Variants in PARD3 observed in about 807,000 individuals in gnomAD.
The protein encoded by PARD3 is partitioning defective 3 homolog.
In PARD3, 75 loss-of-function variants were observed where a neutral mutation model predicts 155.4. That is an observed-to-expected ratio of 0.48 (90% CI 0.40 to 0.58). PARD3 has a LOEUF of 0.58. Among genes scored for constraint, PARD3 ranks in the 20% least tolerant of loss-of-function variants. The probability of loss-of-function intolerance (pLI) is 0.00; values close to 1 mark genes in which losing one functional copy is unlikely to be tolerated. For synonymous variants in PARD3, 576 were observed against 610.5 expected, an observed-to-expected ratio of 0.94 and a Z score of 0.83; for missense variants, 1,642 against 1,721.7, an observed-to-expected ratio of 0.95 and a Z score of 0.82.
At chr10:34,371,647 T>C (rs1050681396) in intron 12 of PARD3, among the ~76,000 whole-genome samples, 1 of 151,938 alleles carries the variant, frequency 6.6e-6, no homozygotes, top group Non-Finnish European at 1.5e-5. Context: ...TTTTCTTTAG[T>C]CAACAATGTA....
intron 22 of PARD3, among the ~76,000 whole-genome samples, chr10:34,220,968 C>T (rs555622789): frequency 2.0e-5 from 3 of 152,306 alleles, no homozygotes; most frequent in African/African-American, 7.2e-5. Context: ...GGGAGACGGA[C>T]TGGCCACTTC....
rs188185562 is a variant in PARD3, at chr10:34,744,965, G to A, written c.121-48546C>T. Among the ~76,000 whole-genome samples the A allele has an allele frequency of 1.2e-4, 19 of 152,232 alleles. No homozygotes were observed. The East Asian group carries it at 2.3e-3, about 19-fold the overall frequency. ...GGCAACTAGGACCCTCTGCATCCTCGACCACCCCTTGGACCCTGTGGTCTC... is the reference window on the plus strand; with the variant it reads ...GGCAACTAGGACCCTCTGCATCCTCAACCACCCCTTGGACCCTGTGGTCTC... On this transcript the variant is annotated intron_variant, in intron 1 of 24. Transcript: ENST00000374788.
At chr10:34,619,343 C>T (rs923516035) in intron 2 of PARD3, among the ~76,000 whole-genome samples, 3 of 152,106 alleles carry the variant, frequency 2.0e-5, no homozygotes, top group African/African-American at 7.2e-5. Flanking sequence ...AGCCATCATG[C>T]CCGGCCCACA....
At chr10:34,230,751 G>T (rs901379891) in intron 22 of PARD3, among the ~76,000 whole-genome samples, 1 of 152,152 alleles carries the variant, frequency 6.6e-6, no homozygotes, top group African/African-American at 2.4e-5. Flanking sequence ...GGCTGGGATT[G>T]GTGTGGTGGC....
At chr10:34,456,957 TAGA>T (rs1281154821) in intron 4 of PARD3, among the ~76,000 whole-genome samples, 1 of 152,186 alleles carries the variant, frequency 6.6e-6, no homozygotes, top group Non-Finnish European at 1.5e-5. Flanking sequence ...AATTCTAATA[TAGA>T]AGAATTTCTA....
intron 2 of PARD3, among the ~76,000 whole-genome samples, chr10:34,683,058 T>G (rs963051019): frequency 1.3e-5 from 2 of 152,150 alleles, no homozygotes; most frequent in Non-Finnish European, 2.9e-5. Context: ...AATCTTAAAC[T>G]TAACCTCATA....
At chr10:34,119,304 A>G (rs1946850122) in intron 24 of PARD3, among the ~76,000 whole-genome samples, 1 of 152,194 alleles carries the variant, frequency 6.6e-6, no homozygotes, top group Non-Finnish European at 1.5e-5. Context: ...TCAGATGAAG[A>G]TACTGTCTTG....
At chr10:34,314,926 C>A (rs1013594367) in intron 20 of PARD3, among the ~76,000 whole-genome samples, 7 of 152,110 alleles carry the variant, frequency 4.6e-5, no homozygotes, top group African/African-American at 1.2e-4. Context: ...CTCTCACCAG[C>A]CAAGGTGGGC....
intron 23 of PARD3, among the ~76,000 whole-genome samples, chr10:34,128,941 A>G (rs1248850711): frequency 6.6e-6 from 1 of 152,178 alleles, no homozygotes; most frequent in East Asian, 1.9e-4. Flanking sequence ...TGCAGGGACC[A>G]AGAATATGTA....
chr10:34,796,916 C>T (rs1260514214), intron 1 of PARD3, among the ~76,000 whole-genome samples: 2 of 152,156 alleles, frequency 1.3e-5, no homozygotes, highest in Non-Finnish European at 1.5e-5. Flanking sequence ...ACCCAGGAGA[C>T]GGAGGTTGCT....
chr10:34,377,820 TAAAAC>T, intron 10 of PARD3, 142 bp downstream of exon 10: 1 of 519,690 alleles, frequency 1.9e-6, no homozygotes, highest in Non-Finnish European at 3.2e-6. Flanking sequence ...AATCTAAACA[TAAAAC>T]AGAAACACAT....
chr10:34,760,142 T>G (rs538108418), intron 1 of PARD3, among the ~76,000 whole-genome samples: 1 of 152,160 alleles, frequency 6.6e-6, no homozygotes, highest in Admixed American at 6.5e-5. Context: ...TATGTCTCTG[T>G]GTAAACCCCT....
intron 5 of PARD3, among the ~76,000 whole-genome samples, chr10:34,417,754 A>G (rs1845807107): frequency 6.6e-6 from 1 of 152,220 alleles, no homozygotes; most frequent in South Asian, 2.1e-4. Flanking sequence ...TAAATTCCAC[A>G]GGTACTTTTC....
At chr10:34,802,719 CAT>C (rs1228437684) in intron 1 of PARD3, among the ~76,000 whole-genome samples, 1 of 152,052 alleles carries the variant, frequency 6.6e-6, no homozygotes. Flanking sequence ...AGTTTTGCCA[CAT>C]GATTTCCCAC....
intron 1 of PARD3, among the ~76,000 whole-genome samples, chr10:34,805,562 T>C (rs542920394): frequency 0.013 from 1,858 of 148,524 alleles, 54 homozygotes; most frequent in African/African-American, 0.043. Flanking sequence ...TATATATATA[T>C]ATATACACCG....
intron 18 of PARD3, among the ~76,000 whole-genome samples, chr10:34,331,784 G>A (rs1417509927): frequency 6.6e-6 from 1 of 151,234 alleles, no homozygotes; most frequent in Non-Finnish European, 1.5e-5. Context: ...AAATTCTTTA[G>A]AACAGAAGCT....
rs74131690 is a variant in PARD3 at position 34,310,293 on chromosome 10, C to T, written c.3065+6814G>A. Among the ~76,000 whole-genome samples, 826 of 152,178 alleles carry T rather than the reference C, an allele frequency of 5.4e-3. 9 individuals are homozygous for T. The highest frequency in any genetic ancestry group is 0.019 in the African/African-American group (773 of 41,532). The stretch of plus-strand genomic sequence containing the variant: ...CTTCTAAGTGCATTTTTCAATGGTG[C>T]GATAGTATTTATTTACCCTGTGTTA... On this transcript the variant is annotated intron_variant, in intron 20 of 24. Transcript: ENST00000374788.
chr10:34,545,304 A>G (rs939578389), intron 2 of PARD3, among the ~76,000 whole-genome samples: 1 of 152,202 alleles, frequency 6.6e-6, no homozygotes, highest in Non-Finnish European at 1.5e-5. Flanking sequence ...GAGCAAGGTC[A>G]GATGGTTAAG....
At chr10:34,726,527 G>A (rs1350116490) in intron 1 of PARD3, among the ~76,000 whole-genome samples, 3 of 152,150 alleles carry the variant, frequency 2.0e-5, no homozygotes, top group African/African-American at 7.2e-5. Flanking sequence ...AGGTTGCAGT[G>A]AGCCAAGATT....
Sources: allele counts gnomAD v4.1 joint callset (sites outside exome capture counted in the v4.1 genomes callset), GRCh38; gene constraint gnomAD v4.1.1; transcripts MANE v1.5; gene names NCBI Gene and HGNC (gene_info 2026-07-23, HGNC 2026-07-21).